Variants in MORC2 observed in about 807,000 individuals in gnomAD.
MORC2 encodes MORC family CW-type zinc finger 2, also known as ATPase MORC2.
MORC2 carries 30 observed loss-of-function variants against 136.0 expected under a neutral mutation model. The observed-to-expected ratio is 0.22, with a 90% CI of 0.17 to 0.30. The LOEUF (loss-of-function observed/expected upper bound fraction) is 0.30, where lower values mean the gene tolerates loss of function less well. Among genes scored for constraint, MORC2 ranks in the 10% least tolerant of loss-of-function variants. The pLI, the probability that MORC2 is intolerant of heterozygous loss-of-function variation, is 1.00. For missense variants in MORC2, 922 were observed against 1,333.1 expected (o/e 0.69, Z 4.80); for synonymous variants, 439 against 487.0 (o/e 0.90, Z 1.30).
intron 21 of MORC2, 106 bp downstream of exon 21, chr22:30,933,360 A>C: frequency 7.8e-7 from 1 of 1,278,410 alleles, no homozygotes; most frequent in East Asian, 2.3e-5. Flanking sequence ...GCCCAGACCC[A>C]GGACAGATTC....
chr22:30,950,818 A>G (rs540594566), intron 3 of MORC2, among the ~76,000 whole-genome samples: 11 of 152,338 alleles, frequency 7.2e-5, no homozygotes, highest in Admixed American at 5.9e-4. Flanking sequence ...CCCAAGCACT[A>G]AAGTACTCCA....
rs958560959 is a variant in MORC2, at chr22:30,933,115, C to T, written c.2381-85G>A. ...GGGCCACATCGAGAAAGGCAGTCCC[C>T]AGGGTTTGGAGGACAGGAACACTTA... On this transcript the variant is annotated intron_variant, in intron 21 of 25. Coordinates refer to ENST00000397641, the MANE Select transcript of MORC2 (RefSeq NM_001303256.3). 1.5e-5 allele frequency: 24 copies of T among 1,571,194 alleles called. No individual in the cohort carries two copies. The Middle Eastern group carries it at 5.2e-4, about 34-fold the overall frequency.
intron 3 of MORC2, among the ~76,000 whole-genome samples, chr22:30,952,345 A>T (rs2040901330): frequency 6.6e-6 from 1 of 152,234 alleles, no homozygotes; most frequent in Non-Finnish European, 1.5e-5. Context: ...AGCACCTCTG[A>T]AAAGTCCCCA....
chr22:30,960,273 T>C (rs951991650), intron 1 of MORC2, among the ~76,000 whole-genome samples: 1 of 151,952 alleles, frequency 6.6e-6, no homozygotes, highest in African/African-American at 2.4e-5. Flanking sequence ...GGCCTACAAA[T>C]GCAAATTTTG....
rs1436097754 is a variant in MORC2 at position 30,937,441 on chromosome 22, G to C, written c.1498+142C>G. The stretch of plus-strand genomic sequence containing the variant: ...CAAAGCCTCAAGACTGAGCTCACAG[G>C]GCCATCGTCAAACAGACTTGGATCC... On this transcript the variant is annotated intron_variant, in intron 15 of 25. Transcript: ENST00000397641. The surrounding 1 kb of genome is among the most constrained non-coding windows in gnomAD (Gnocchi z 4.7). 1 of 1,281,408 alleles carries C rather than the reference G, an allele frequency of 7.8e-7. No individual in the cohort carries two copies. Among genetic ancestry groups the C allele is most frequent in the Admixed American group, 2.3e-5 (1 of 44,284 alleles). 79.4% of individuals were successfully genotyped at this position (1,281,408 alleles called of 1,614,324 possible).
At chr22:30,957,839 T>G (rs3827330) in intron 2 of MORC2, among the ~76,000 whole-genome samples, 39,452 of 152,134 alleles carry the variant, frequency 0.26, 5,493 homozygotes, top group East Asian at 0.5. Flanking sequence ...ATAAGTTTAT[T>G]GTATACACAG....
chr22:30,934,654 G>A lies in MORC2; in HGVS notation c.2193+127C>T, dbSNP rs2040625158. 1 of 1,348,124 alleles carries A rather than the reference G, an allele frequency of 7.4e-7. No homozygotes were observed. Among genetic ancestry groups the A allele is most frequent in the African/African-American group, 1.5e-5 (1 of 68,642 alleles). The allele number at this position is 1,348,124 out of a possible 1,614,324, so 83.5% of individuals were successfully genotyped here. ...CAGCTATCAAGGCTTCCCGTCCTCA[G>A]GGGCAGCAGCAAAGCTTTAGATTCA... is the stretch of plus-strand genomic sequence containing the variant. On this transcript the variant is annotated intron_variant, in intron 19 of 25. Transcript: ENST00000397641. The surrounding 1 kb of genome is among the most constrained non-coding windows in gnomAD (Gnocchi z 4.4).
At chr22:30,944,246 C>T (rs1235116243) in intron 6 of MORC2, among the ~76,000 whole-genome samples, 5 of 152,326 alleles carry the variant, frequency 3.3e-5, no homozygotes, top group Middle Eastern at 3.4e-3. Context: ...CTCTCCACCA[C>T]GGGAACCGAG....
At position 30,933,490 on chromosome 22, in the gene MORC2, C is replaced by T. The variant is rs752518393; in HGVS notation, c.2356G>A (p.Ala786Thr). 8 of 1,613,930 alleles carry T rather than the reference C, an allele frequency of 5.0e-6. No individual in the cohort carries two copies. In the East Asian group the frequency reaches 1.8e-4, roughly 36 times the overall value. Residue 786 changes from alanine to threonine, a missense_variant, in exon 21 of 26, where the codon GCT becomes ACT. By Grantham distance (58) the Ala-to-Thr change is moderately conservative. Around this residue, in one of 9 missense-constraint regions of MORC2, gnomAD observed 263 missense variants for 388.3 expected, o/e 0.68. Transcript: ENST00000397641. Reference sequence around the variant, plus strand: ...CCTTTCTGAGCTCTCTTGAGGTCAGCCGAGTCCTCTTCCCCAGCACTGTCT... The same window carrying T: ...CCTTTCTGAGCTCTCTTGAGGTCAGTCGAGTCCTCTTCCCCAGCACTGTCT... ...LSDSAGEEDS[A>T]DLKRAQKDKG...
intron 1 of MORC2, among the ~76,000 whole-genome samples, chr22:30,960,014 C>T (rs925576567): frequency 5.9e-5 from 9 of 152,228 alleles, no homozygotes; most frequent in Non-Finnish European, 1.2e-4. Context: ...GTCGCCCAGG[C>T]TGGAGTGCGA....
At chr22:30,952,917 G>A (rs1434574414) in intron 3 of MORC2, among the ~76,000 whole-genome samples, 3 of 152,362 alleles carry the variant, frequency 2.0e-5, no homozygotes, top group Admixed American at 1.3e-4. Flanking sequence ...GTATTGGCTA[G>A]AGCAAAATGT....
intron 4 of MORC2, 34 bp downstream of exon 4, chr22:30,950,335 TCGCACCCC>T: frequency 6.3e-6 from 5 of 793,558 alleles, no homozygotes; most frequent in Non-Finnish European, 1.1e-5. Flanking sequence ...AATGGTTACA[TCGCACCCC>T]CCCACCCCCC....
intron 24 of MORC2, chr22:30,929,731 A>T (rs1181799546): frequency 6.6e-6 from 1 of 152,228 alleles, no homozygotes. Context: ...ACTGCACTCT[A>T]GTCTGGGCAA....
intron 4 of MORC2, 24 bp downstream of exon 4, chr22:30,950,353 C>CACA: frequency 1.3e-6 from 2 of 1,481,950 alleles, no homozygotes; most frequent in Non-Finnish European, 1.9e-6. Context: ...CCCCACCCCC[C>CACA]AAAACAATAA....
Position 30,932,642 on chromosome 22 carries a change from C to T in MORC2, c.2650G>A (p.Ala884Thr), listed in dbSNP as rs372297066. ...AGGCATTCGGAAGTGGAGGGCTCTG[C>T]GACAGCTATGGCCTGCTGGGCCACA... The part of the protein sequence containing the change: ...GPVAQQAIAV[A>T]EPSTSECLRI... Residue 884 changes from alanine (A) to threonine (T), a missense_variant, in exon 23 of 26, where the codon GCA becomes ACA. Physicochemically the swap from Ala to Thr is moderately conservative, Grantham distance 58 (BLOSUM62 0). This residue lies in a region of MORC2 where 263 missense variants were observed against 388.3 expected (regional missense o/e 0.68). Coordinates refer to ENST00000397641, the MANE Select transcript of MORC2 (RefSeq NM_001303256.3). The surrounding 1 kb of genome is among the most constrained non-coding windows in gnomAD (Gnocchi z 4.4). The T allele has an allele frequency of 1.5e-5, 25 of 1,614,060 alleles. No individual in the cohort carries two copies. In the Admixed American group the frequency reaches 2.2e-4, roughly 14 times the overall value.
intron 20 of MORC2, 111 bp downstream of exon 20, chr22:30,933,949 T>TGTGTAGACTGCTGGTGGATG: frequency 7.4e-7 from 1 of 1,354,410 alleles, no homozygotes; most frequent in South Asian, 1.3e-5. Context: ...GCTGGTGGGT[T>TGTGTAGACTGCTGGTGGATG]GTGTAGACTG....
chr22:30,925,372 G>A lies in MORC2; in HGVS notation c.*1431C>T. The stretch of plus-strand genomic sequence containing the variant: ...ACAGTCTTCCAGCAGAAGAGGCCAG[G>A]GTCTCTCAGTGTACTACTCCAAACA... On this transcript the variant is annotated 3_prime_UTR_variant, in exon 26 of 26. Coordinates refer to ENST00000397641, the MANE Select transcript of MORC2 (RefSeq NM_001303256.3). 1 of 230,864 alleles carries A rather than the reference G, an allele frequency of 4.3e-6. No individual in the cohort carries two copies. The highest frequency in any genetic ancestry group is 8.6e-6 in the Non-Finnish European group (1 of 115,810). 14.3% of individuals were successfully genotyped at this position (230,864 alleles called of 1,614,324 possible). A position where few individuals can be genotyped will look rare whatever the true frequency, so the allele number is the denominator to read the frequency against.
intron 3 of MORC2, among the ~76,000 whole-genome samples, chr22:30,956,006 C>CAAAA (rs576674402): frequency 3.9e-5 from 2 of 51,546 alleles, no homozygotes; most frequent in Admixed American, 1.8e-4. Flanking sequence ...GACTCCATCT[C>CAAAA]AAAAAAAAAA....
Position 30,932,632 on chromosome 22 carries a change from G to A in MORC2, c.2660C>T (p.Ser887Phe). Residue 887 changes from serine (S) to phenylalanine (F), a missense_variant, in exon 23 of 26, where the codon TCC becomes TTC. By Grantham distance (155) the Ser-to-Phe change is radical (BLOSUM62 -2). Coordinates refer to ENST00000397641, the MANE Select transcript of MORC2 (RefSeq NM_001303256.3). This position sits in a 1 kb window ranked among gnomAD's most constrained non-coding sequence, Gnocchi z 4.4. ...AQQAIAVAEP[S>F]TSECLRIEPD... ...CTCAATGCGGAGGCATTCGGAAGTGGAGGGCTCTGCGACAGCTATGGCCTG... is the reference window on the plus strand; with the variant it reads ...CTCAATGCGGAGGCATTCGGAAGTGAAGGGCTCTGCGACAGCTATGGCCTG... The A allele has an allele frequency of 1.9e-6, 3 of 1,614,184 alleles. No homozygotes were observed. The highest frequency in any genetic ancestry group is 2.2e-5 in the East Asian group (1 of 44,864).
Sources: allele counts gnomAD v4.1 joint callset (sites outside exome capture counted in the v4.1 genomes callset), GRCh38; gene constraint gnomAD v4.1.1; regional missense constraint gnomAD v4.1.1; non-coding constraint Gnocchi (gnomAD v3.1); transcripts MANE v1.5; gene names NCBI Gene and HGNC (gene_info 2026-07-23, HGNC 2026-07-21).